The following DDX56 variants were observed in gnomAD, a reference collection of about 807,000 sequenced individuals.
DDX56 encodes the protein probable ATP-dependent RNA helicase DDX56.
In DDX56, 45 loss-of-function variants were observed where a neutral mutation model predicts 61.5. The ratio of observed to expected loss-of-function variants is 0.73; its 90% CI spans 0.58 to 0.94. The LOEUF is 0.94. DDX56 is among the 40% of genes least tolerant of loss of function. DDX56 has a pLI of 0.00. For synonymous variants in DDX56, 273 were observed against 268.3 expected, an observed-to-expected ratio of 1.02 and a Z score of -0.17; for missense variants, 708 against 690.7, an observed-to-expected ratio of 1.02 and a Z score of -0.28.
At chr7:44,569,518 G>T in intron 9 of DDX56, among the ~76,000 whole-genome samples, 1 of 152,190 alleles carries the variant, frequency 6.6e-6, no homozygotes, top group Non-Finnish European at 1.5e-5. Context: ...ACAGAGAGCA[G>T]TCCAGGACCA....
chr7:44,568,292 C>T lies in DDX56; in HGVS notation c.1384-69G>A. ...CTGTGACTTCACAGACCTAGCTTTTCAAAGGATAACACACTCATGTGTTTC... is the reference window on the plus strand; with the variant it reads ...CTGTGACTTCACAGACCTAGCTTTTTAAAGGATAACACACTCATGTGTTTC... On this transcript the variant is annotated intron_variant, in intron 11 of 13. Transcript: ENST00000258772. The T allele has an allele frequency of 2.7e-6, 3 of 1,118,884 alleles. No individual in the cohort carries two copies. In the South Asian group the frequency reaches 4.5e-5, roughly 17 times the overall value. 69.3% of individuals were successfully genotyped at this position (1,118,884 alleles called of 1,614,324 possible).
Position 44,570,108 on chromosome 7 carries a change from C to T in DDX56, c.1031G>A (p.Gly344Asp), listed in dbSNP as rs1802634564. Residue 344 changes from glycine to aspartate, a missense_variant, in exon 8 of 14, where the codon GGT becomes GAT. Gly to Asp is a moderately conservative substitution (Grantham distance 94, BLOSUM62 -1). Coordinates refer to ENST00000258772, the MANE Select transcript of DDX56 (RefSeq NM_019082.4). ...GTGGAAGTCTATGCCCCGGGCCACA[C>T]CTGCTTCCGGATCAGAGGCCCTGCA... ...KGDKASDPEA[G>D]VARGIDFHHV... 6.2e-7 allele frequency: 1 copy of T among 1,614,106 alleles called. No homozygotes were observed. Among genetic ancestry groups the T allele is most frequent in the Non-Finnish European group, 8.5e-7 (1 of 1,180,032 alleles).
Position 44,568,571 on chromosome 7 carries a change from T to C in DDX56, c.1383+332A>G, listed in dbSNP as rs141292869. On this transcript the variant is annotated intron_variant, in intron 11 of 13. Transcript: ENST00000258772. ...AGGCTGTTTCCATCTTTTGGTTCCA[T>C]GATAATGCCATGGATGGATGAATGC... Among the ~76,000 whole-genome samples the C allele has an allele frequency of 2.1e-3, 327 of 152,192 alleles. 1 individual carries two copies. Among genetic ancestry groups the C allele is most frequent in the Middle Eastern group, 3.4e-3 (1 of 294 alleles).
At chr7:44,572,285 G>GC in intron 5 of DDX56, 62 bp downstream of exon 5, 7 of 1,367,762 alleles carry the variant, frequency 5.1e-6, no homozygotes, top group Non-Finnish European at 7.3e-6. Flanking sequence ...CTAAGAAGGA[G>GC]CATCAAGATC....
intron 11 of DDX56, 108 bp from the exon 12 acceptor site, chr7:44,568,331 C>T: frequency 1.3e-6 from 1 of 768,894 alleles, no homozygotes; most frequent in Non-Finnish European, 2.1e-6. Context: ...AGGCATGAGG[C>T]AGCTGCTTCT....
At position 44,566,441 on chromosome 7, in the gene DDX56, GC is replaced by G. The variant is rs1243213706; in HGVS notation, c.1566+6del. ...CTGGGGCTGTCCGCAGTCCCCAGGAGCCGTACCTTGGCCTTCCTACAAGAGG... is the reference window on the plus strand; with the variant it reads ...CTGGGGCTGTCCGCAGTCCCCAGGAGCGTACCTTGGCCTTCCTACAAGAGG... On this transcript the variant is annotated splice_donor_region_variant and intron_variant, in intron 13 of 13. Coordinates refer to ENST00000258772, the MANE Select transcript of DDX56 (RefSeq NM_019082.4). The G allele has an allele frequency of 6.4e-7, 1 of 1,552,386 alleles. No homozygotes were observed. Among genetic ancestry groups the G allele is most frequent in the Non-Finnish European group, 8.7e-7 (1 of 1,147,072 alleles).
At chr7:44,572,092 A>G (rs1802689861) in intron 5 of DDX56, among the ~76,000 whole-genome samples, 1 of 152,252 alleles carries the variant, frequency 6.6e-6, no homozygotes, top group Admixed American at 6.5e-5. Context: ...TCTGCTGCTC[A>G]AAGCTGCCCC....
At position 44,573,871 on chromosome 7, in the gene DDX56, A is replaced by T; in HGVS notation, c.25T>A (p.Phe9Ile). 6.2e-7 allele frequency: 1 copy of T among 1,613,302 alleles called. No homozygotes were observed. The highest frequency in any genetic ancestry group is 8.5e-7 in the Non-Finnish European group (1 of 1,180,008). MEDSEALGFEHMGLDPRLL... is the reference protein window; with the variant it reads MEDSEALGIEHMGLDPRLL... ...CGGGGATCGAGGCCCATGTGTTCGA[A>T]GCCCAGTGCTTCAGAGTCCTCCATG... The change falls in exon 1 of 14, where the codon TTC becomes ATC. Residue 9 changes from phenylalanine (F) to isoleucine (I), a missense_variant. Physicochemically the swap from Phe to Ile is conservative, Grantham distance 21. Transcript: ENST00000258772.
At chr7:44,568,868 A>G in intron 11 of DDX56, 35 bp downstream of exon 11, 1 of 1,520,622 alleles carries the variant, frequency 6.6e-7, no homozygotes, top group Non-Finnish European at 9.1e-7. Flanking sequence ...GCAGCCGTCT[A>G]AGATCTATCC....
rs372667515 is a variant in DDX56, at chr7:44,569,222, C to T, written c.1220-19G>A. 542 of 1,611,406 alleles carry T rather than the reference C, an allele frequency of 3.4e-4. No individual in the cohort carries two copies. Among genetic ancestry groups the T allele is most frequent in the Non-Finnish European group, 4.4e-4 (518 of 1,178,734 alleles). ...CTGTTCTCTGTGGAGAAGAAAGCAG[C>T]GAGGGTCCCACAGGCTGAGGCCTTA... is the stretch of plus-strand genomic sequence containing the variant. On this transcript the variant is annotated intron_variant, in intron 9 of 13. Transcript: ENST00000258772.
Position 44,570,094 on chromosome 7 carries a change from T to C in DDX56, c.1045A>G (p.Ile349Val). 6.2e-7 allele frequency: 1 copy of C among 1,614,148 alleles called. No homozygotes were observed. The highest frequency in any genetic ancestry group is 8.5e-7 in the Non-Finnish European group (1 of 1,180,022). Reference protein sequence around the residue: ...SDPEAGVARGIDFHHVSAVLN... With the variant: ...SDPEAGVARGVDFHHVSAVLN... ...ACAGCAGACACATGGTGGAAGTCTA[T>C]GCCCCGGGCCACACCTGCTTCCGGA... The change falls in exon 8 of 14, where the codon ATA (isoleucine) becomes GTA (valine). Residue 349 changes from isoleucine to valine, a missense_variant. Transcript: ENST00000258772.
At chr7:44,568,353 A>G in intron 11 of DDX56, 130 bp from the exon 12 acceptor site, 1 of 658,496 alleles carries the variant, frequency 1.5e-6, no homozygotes, top group South Asian at 1.9e-5. Flanking sequence ...TGCATTTCTC[A>G]GAACCTCCCG....
Position 44,568,190 on chromosome 7 carries a change from G to C in DDX56, c.1417C>G (p.Leu473Val). ...YFEDNPRDLQ[L>V]LRHDLPLHPA... ...TGCAAAGGTAGGTCATGCCGCAGCAGCTGGAGGTCCCTAGGGTTGTCTTCA... is the reference window on the plus strand; with the variant it reads ...TGCAAAGGTAGGTCATGCCGCAGCACCTGGAGGTCCCTAGGGTTGTCTTCA... Residue 473 changes from leucine to valine, a missense_variant, in exon 12 of 14, where the codon CTG becomes GTG. By Grantham distance (32) the Leu-to-Val change is conservative. Coordinates refer to ENST00000258772, the MANE Select transcript of DDX56 (RefSeq NM_019082.4). 6.2e-7 allele frequency: 1 copy of C among 1,613,968 alleles called. No individual in the cohort carries two copies. Among genetic ancestry groups the C allele is most frequent in the South Asian group, 1.1e-5 (1 of 91,058 alleles).
At chr7:44,570,934 G>A (rs374948388) in intron 6 of DDX56, 57 bp from the exon 7 acceptor site, 34 of 1,568,906 alleles carry the variant, frequency 2.2e-5, no homozygotes, top group East Asian at 1.4e-4. Flanking sequence ...AGGCCCCTCT[G>A]CCATCCCTAG....
At chr7:44,569,374 A>G (rs1287456664) in intron 9 of DDX56, among the ~76,000 whole-genome samples, 171 bp from the exon 10 acceptor site, 3 of 152,172 alleles carry the variant, frequency 2.0e-5, no homozygotes, top group Non-Finnish European at 4.4e-5. Context: ...GTGATGACCC[A>G]TCTGTCCCCG....
At chr7:44,570,173 G>T (rs767778099) in intron 7 of DDX56, 45 bp from the exon 8 acceptor site, 2 of 1,605,078 alleles carry the variant, frequency 1.2e-6, no homozygotes, top group South Asian at 1.1e-5. Context: ...CTCTCCTCTG[G>T]GCACGTATTC....
At chr7:44,567,857 T>C (rs1204066575) in intron 12 of DDX56, 1 of 526,032 alleles carries the variant, frequency 1.9e-6, no homozygotes, top group African/African-American at 1.9e-5. Context: ...TGGCCTGAAA[T>C]GCTGGGTCTG....
chr7:44,566,668 G>A, intron 12 of DDX56, 144 bp from the exon 13 acceptor site: 2 of 583,350 alleles, frequency 3.4e-6, no homozygotes, highest in East Asian at 2.9e-5. Context: ...TCTGCACAGG[G>A]CCAGGAGAAT....
intron 11 of DDX56, 94 bp from the exon 12 acceptor site, chr7:44,568,317 C>G: frequency 6.8e-6 from 6 of 876,910 alleles, no homozygotes; most frequent in Non-Finnish European, 8.7e-6. Context: ...TCATGTGTTT[C>G]AAAAGGCATG....
Sources: allele counts gnomAD v4.1 joint callset (sites outside exome capture counted in the v4.1 genomes callset), GRCh38; gene constraint gnomAD v4.1.1; transcripts MANE v1.5; gene names NCBI Gene and HGNC (gene_info 2026-07-23, HGNC 2026-07-21).